SNX25: variants seen among roughly 807,000 people sequenced by gnomAD.
The protein encoded by SNX25 is sorting nexin-25.
SNX25 carries 62 observed loss-of-function variants against 113.7 expected under a neutral mutation model. That is an observed-to-expected ratio of 0.55 (90% CI 0.44 to 0.67). The LOEUF is 0.67. Ranked by LOEUF, SNX25 falls within the 30% of genes least tolerant of loss-of-function variation. SNX25 has a pLI of 0.00. For synonymous variants in SNX25, 421 were observed against 436.2 expected (o/e 0.97, Z 0.43); for missense variants, 1,014 against 1,161.0 (o/e 0.87, Z 1.84).
intron 2 of SNX25, among the ~76,000 whole-genome samples, chr4:185,257,709 G>A (rs1358793197): frequency 6.6e-6 from 1 of 151,234 alleles, no homozygotes; most frequent in Non-Finnish European, 1.5e-5. Context: ...TTTTTAATGT[G>A]TCTTCTAGAA....
chr4:185,264,858 A>G (rs963950607), intron 4 of SNX25, among the ~76,000 whole-genome samples: 1 of 152,206 alleles, frequency 6.6e-6, no homozygotes, highest in Non-Finnish European at 1.5e-5. Flanking sequence ...ACAGGGAAGC[A>G]TTCATTTGGG....
intron 4 of SNX25, among the ~76,000 whole-genome samples, chr4:185,266,607 C>G (rs1748123485): frequency 6.6e-6 from 1 of 152,178 alleles, no homozygotes; most frequent in Non-Finnish European, 1.5e-5. Flanking sequence ...AGTGATCCAC[C>G]TGTCTCAGCC....
chr4:185,206,715 G>A (rs1737205770), upstream of SNX25, among the ~76,000 whole-genome samples: 1 of 141,152 alleles, frequency 7.1e-6, no homozygotes, highest in Non-Finnish European at 1.6e-5. Flanking sequence ...GGTTCAGAAA[G>A]ACAGAACCAA....
chr4:185,289,942 G>C (rs1303859251), intron 6 of SNX25, among the ~76,000 whole-genome samples: 1 of 152,210 alleles, frequency 6.6e-6, no homozygotes, highest in Non-Finnish European at 1.5e-5. Context: ...AAACCCAAGA[G>C]CAAGGTGTCA....
At chr4:185,355,256 T>C (rs1053573142) in intron 15 of SNX25, among the ~76,000 whole-genome samples, 1 of 152,254 alleles carries the variant, frequency 6.6e-6, no homozygotes, top group Non-Finnish European at 1.5e-5. Flanking sequence ...ATGAATTACC[T>C]TTGCTCATTG....
chr4:185,372,580 C>CT (rs2095419528), downstream of SNX25, among the ~76,000 whole-genome samples: 1 of 152,172 alleles, frequency 6.6e-6, no homozygotes, highest in Non-Finnish European at 1.5e-5. Context: ...CCTTGGAAAT[C>CT]CCAGTGTTGC....
chr4:185,242,887 A>G (rs1744281132), intron 1 of SNX25, among the ~76,000 whole-genome samples: 1 of 152,194 alleles, frequency 6.6e-6, no homozygotes, highest in Non-Finnish European at 1.5e-5. Flanking sequence ...GATGAAAACC[A>G]ATATATATCA....
rs1742332673 is a variant in SNX25 at position 185,234,506 on chromosome 4, C to A, written c.430-12788C>A. 6.8e-5 allele frequency among the ~76,000 whole-genome samples: 2 copies of A among 29,456 alleles called. 1 individual carries two copies. Among genetic ancestry groups the A allele is most frequent in the Admixed American group, 7.5e-4 (2 of 2,666 alleles). 19.3% of individuals were successfully genotyped at this position (29,456 alleles called of 152,430 possible). ...GACCATCCTGGCTAACACGGTGAAA[C>A]CCCGTCTCTACTAAAAATACAAAAA... is the stretch of plus-strand genomic sequence containing the variant. On this transcript the variant is annotated intron_variant, in intron 1 of 18. Coordinates refer to ENST00000652585, the MANE Select transcript of SNX25 (RefSeq NM_001378034.2).
chr4:185,240,524 T>C (rs1330516348), intron 1 of SNX25, among the ~76,000 whole-genome samples: 13 of 148,688 alleles, frequency 8.7e-5, no homozygotes, highest in Admixed American at 2.0e-4. Flanking sequence ...GGCGGGGGGC[T>C]GACCCCCCCA....
intron 11 of SNX25, 36 bp from the exon 12 acceptor site, chr4:185,341,940 C>T (rs1054717419): frequency 6.4e-7 from 1 of 1,555,750 alleles, no homozygotes; most frequent in Admixed American, 2.0e-5. Context: ...ATTCACCATG[C>T]TTTTTGTAAG....
At chr4:185,204,927 G>T (rs1431012276), upstream of SNX25, among the ~76,000 whole-genome samples, 1 of 152,248 alleles carries the variant, frequency 6.6e-6, no homozygotes, top group African/African-American at 2.4e-5. Flanking sequence ...CAATACACCT[G>T]TGTTGTTTTA....
chr4:185,273,885 G>T (rs946698478), intron 5 of SNX25, among the ~76,000 whole-genome samples: 1 of 152,126 alleles, frequency 6.6e-6, no homozygotes, highest in East Asian at 1.9e-4. Context: ...GACTTGTGGT[G>T]TGGGGGCTCC....
downstream of SNX25, chr4:185,372,919 C>T: frequency 6.2e-7 from 1 of 1,613,568 alleles, no homozygotes; most frequent in Non-Finnish European, 8.5e-7. Context: ...CACGAGATTC[C>T]CTTGAGCATA....
At chr4:185,367,746 A>G (rs1432298266), downstream of SNX25, among the ~76,000 whole-genome samples, 1 of 152,234 alleles carries the variant, frequency 6.6e-6, no homozygotes, top group Non-Finnish European at 1.5e-5. Context: ...TTGTCCCTTC[A>G]GTACCCACGA....
chr4:185,370,461 A>G (rs962756444), downstream of SNX25, among the ~76,000 whole-genome samples: 7 of 152,196 alleles, frequency 4.6e-5, no homozygotes, highest in Non-Finnish European at 8.8e-5. Context: ...AATTATGCTA[A>G]TAAGATTCTG....
At chr4:185,367,648 T>C (rs1378849417), downstream of SNX25, among the ~76,000 whole-genome samples, 2 of 152,216 alleles carry the variant, frequency 1.3e-5, no homozygotes, top group African/African-American at 4.8e-5. Context: ...AATTTTATTA[T>C]GTCTAAATAG....
intron 6 of SNX25, among the ~76,000 whole-genome samples, chr4:185,295,551 G>A (rs1752727746): frequency 6.6e-6 from 1 of 151,284 alleles, no homozygotes; most frequent in South Asian, 2.1e-4. Context: ...CCGGGTTCAA[G>A]TGATCCTCCC....
At chr4:185,207,591 G>A (rs145119304), upstream of SNX25, 4 of 152,120 alleles carry the variant, frequency 2.6e-5, no homozygotes, top group East Asian at 7.8e-4. Context: ...TCTGTAATAT[G>A]AGATGAGTAA....
downstream of SNX25, chr4:185,366,081 G>A (rs1308261511): frequency 2.0e-5 from 3 of 152,138 alleles, no homozygotes; most frequent in Non-Finnish European, 4.4e-5. Flanking sequence ...CCTTTAATAT[G>A]TTTATAAAAA....
Sources: allele counts gnomAD v4.1 joint callset (sites outside exome capture counted in the v4.1 genomes callset), GRCh38; gene constraint gnomAD v4.1.1; transcripts MANE v1.5; gene names NCBI Gene and HGNC (gene_info 2026-07-23, HGNC 2026-07-21).